The following RBBP7 variants were observed in gnomAD, a reference collection of about 807,000 sequenced individuals.
The protein encoded by RBBP7 is histone-binding protein RBBP7.
Under a neutral mutation model 35.2 loss-of-function variants are expected in RBBP7, and 5 were observed. That is an observed-to-expected ratio of 0.14 (90% confidence interval 0.07 to 0.30). The LOEUF is 0.30. Ranked by LOEUF, RBBP7 falls within the 10% of genes least tolerant of loss-of-function variation. RBBP7 has a pLI of 1.00. For missense variants in RBBP7, 155 were observed against 327.5 expected (o/e 0.47, Z 4.07); for synonymous variants, 140 against 118.7 (o/e 1.18, Z -1.17).
chrX:16,866,429 G>T (rs1303415778), intron 2 of RBBP7, among the ~76,000 whole-genome samples: 1 of 103,306 alleles, frequency 9.7e-6, no homozygotes, highest in Non-Finnish European at 2.0e-5. Flanking sequence ...AGGAGGCTGA[G>T]GCAGGAGAAT....
intron 5 of RBBP7, 58 bp downstream of exon 5, chrX:16,857,536 C>T: frequency 4.2e-6 from 5 of 1,199,922 alleles, no homozygotes; most frequent in Middle Eastern, 2.3e-4. Context: ...TCCTTCAGCA[C>T]AGCTGTGACA....
rs1470314634 is a variant in RBBP7 at position 16,844,490 on chromosome X, AGATT to A, written c.*541_*544del. 1.8e-5 allele frequency: 2 copies of A among 111,660 alleles called. No homozygotes were observed. The highest frequency in any genetic ancestry group is 6.5e-5 in the African/African-American group (2 of 30,653). The allele number at this position is 111,660 out of a possible 1,213,427, so 9.2% of individuals were successfully genotyped here. A position where few individuals can be genotyped will look rare whatever the true frequency, so the allele number is the denominator to read the frequency against. ...TGATTTTATCTACTTGATTCTGTAT[AGATT>A]AAGTAAATATGTATGATAAACTTAA... On this transcript the variant is annotated 3_prime_UTR_variant, in exon 12 of 12. Coordinates refer to ENST00000380087, the MANE Select transcript of RBBP7 (RefSeq NM_002893.4).
At position 16,862,510 on chromosome X, in the gene RBBP7, A is replaced by G. The variant is rs769941218; in HGVS notation, c.307+445T>C. 1.0e-4 allele frequency among the ~76,000 whole-genome samples: 11 copies of G among 110,506 alleles called. 1 individual carries two copies. The highest frequency in any genetic ancestry group is 3.9e-4 in the South Asian group (1 of 2,575). ...CTTAATTTATCTTGGATACCTTCCT[A>G]TACCAGTGCCTACAGATTTTTCTCA... is the stretch of plus-strand genomic sequence containing the variant. On this transcript the variant is annotated intron_variant, in intron 3 of 11. Transcript: ENST00000380087.
intron 9 of RBBP7, among the ~76,000 whole-genome samples, chrX:16,851,406 T>C (rs1810879158): frequency 8.9e-6 from 1 of 112,175 alleles, no homozygotes; most frequent in South Asian, 3.7e-4. Context: ...CGGAGGAGTA[T>C]GTAACTGAGC....
At chrX:16,864,259 C>T (rs1930544382) in intron 2 of RBBP7, among the ~76,000 whole-genome samples, 1 of 110,758 alleles carries the variant, frequency 9.0e-6, no homozygotes, top group South Asian at 3.8e-4. Context: ...GTGGCTCACG[C>T]CTGTAATCCC....
intron 3 of RBBP7, among the ~76,000 whole-genome samples, chrX:16,861,577 G>A (rs1930477597): frequency 1.8e-5 from 2 of 111,845 alleles, no homozygotes; most frequent in Admixed American, 9.5e-5. Flanking sequence ...TAAACTCCCA[G>A]GCTCAAGCGT....
At chrX:16,861,684 C>T (rs1930479459) in intron 3 of RBBP7, among the ~76,000 whole-genome samples, 1 of 111,579 alleles carries the variant, frequency 9.0e-6, no homozygotes, top group South Asian at 3.7e-4. Flanking sequence ...CCCTAAGGCA[C>T]ATATTAGAAA....
intron 2 of RBBP7, among the ~76,000 whole-genome samples, chrX:16,865,405 G>C (rs1249866183): frequency 1.8e-5 from 2 of 111,939 alleles, no homozygotes; most frequent in Non-Finnish European, 3.8e-5. Context: ...AAAAATAACA[G>C]GTAGGTCAGT....
intron 2 of RBBP7, among the ~76,000 whole-genome samples, chrX:16,868,095 G>C (rs765350631): frequency 7.2e-5 from 8 of 111,776 alleles, no homozygotes; most frequent in African/African-American, 2.6e-4. Context: ...TAAGATGCTT[G>C]TTTTTTGTTT....
intron 1 of RBBP7, chrX:16,869,435 T>C: frequency 7.0e-6 from 8 of 1,143,417 alleles, no homozygotes; most frequent in Non-Finnish European, 8.2e-6. Context: ...GCGTACACCA[T>C]GTTGGGTAGT....
At chrX:16,852,403 A>G in intron 8 of RBBP7, 148 bp downstream of exon 8, 1 of 654,848 alleles carries the variant, frequency 1.5e-6, no homozygotes, top group Non-Finnish European at 2.5e-6. Flanking sequence ...TTCTTCAACA[A>G]GGTGTACCTT....
chrX:16,861,160 C>T (rs970998253), intron 3 of RBBP7, among the ~76,000 whole-genome samples: 2 of 111,938 alleles, frequency 1.8e-5, no homozygotes, highest in East Asian at 2.8e-4. Flanking sequence ...GGCGACTGAG[C>T]GAGACCCTGC....
At chrX:16,854,703 C>T (rs762261052) in intron 5 of RBBP7, among the ~76,000 whole-genome samples, 18 of 109,121 alleles carry the variant, frequency 1.6e-4, no homozygotes, top group South Asian at 4.0e-4. Context: ...CAAGGCCTGG[C>T]GCCCACAGAC....
chrX:16,848,061 CAA>C (rs1350612296), intron 10 of RBBP7: 1 of 111,905 alleles, frequency 8.9e-6, no homozygotes, highest in African/African-American at 3.3e-5. Flanking sequence ...TCCCAAAAGA[CAA>C]AAGTCATATT....
chrX:16,851,894 C>T, intron 9 of RBBP7, 152 bp downstream of exon 9: 1 of 438,248 alleles, frequency 2.3e-6, no homozygotes, highest in South Asian at 5.2e-5. Context: ...TTTTACAGAA[C>T]AAAGGCTCTT....
intron 2 of RBBP7, among the ~76,000 whole-genome samples, chrX:16,864,590 T>C (rs1930562119): frequency 1.9e-5 from 2 of 105,871 alleles, no homozygotes; most frequent in Admixed American, 1.0e-4. Flanking sequence ...ACATGCACAG[T>C]GGGCCAAGAA....
At position 16,844,851 on chromosome X, in the gene RBBP7, T is replaced by C. The variant is rs775802793; in HGVS notation, c.*184A>G. The C allele has an allele frequency of 1.1e-4, 38 of 344,461 alleles. 1 individual carries two copies. The highest frequency in any genetic ancestry group is 1.6e-4 in the Non-Finnish European group (32 of 196,851). 28.4% of individuals were successfully genotyped at this position (344,461 alleles called of 1,213,427 possible). On this transcript the variant is annotated 3_prime_UTR_variant, in exon 12 of 12. Coordinates refer to ENST00000380087, the MANE Select transcript of RBBP7 (RefSeq NM_002893.4). ...TTCTTTCTTAAGCAACATTCTTCTC[T>C]TCCCTAATAGCTACAATATGATACA...
At chrX:16,868,836 T>C (rs891601596) in intron 2 of RBBP7, among the ~76,000 whole-genome samples, 3 of 112,093 alleles carry the variant, frequency 2.7e-5, no homozygotes, top group Non-Finnish European at 1.9e-5. Flanking sequence ...AAATGTCAAA[T>C]ATATTCAGTG....
chrX:16,853,599 AAATC>A (rs1930267025), intron 6 of RBBP7, 79 bp downstream of exon 6: 2 of 941,416 alleles, frequency 2.1e-6, no homozygotes, highest in Non-Finnish European at 2.8e-6. Flanking sequence ...TAAAAAAAAA[AAATC>A]AAACTACAGC....
Sources: allele counts gnomAD v4.1 joint callset (sites outside exome capture counted in the v4.1 genomes callset), GRCh38; gene constraint gnomAD v4.1.1; transcripts MANE v1.5; gene names NCBI Gene and HGNC (gene_info 2026-07-23, HGNC 2026-07-21).